The following ANO10 variants were observed in gnomAD, a reference collection of about 807,000 sequenced individuals.
The protein encoded by ANO10 is anoctamin-10.
ANO10 carries 77 observed loss-of-function variants against 74.7 expected under a neutral mutation model. The ratio of observed to expected loss-of-function variants is 1.03; its 90% CI spans 0.86 to 1.25. ANO10 has a LOEUF of 1.25. Ranked by LOEUF, ANO10 falls within the 50% of genes most tolerant of loss-of-function variation. The pLI is 0.00. For missense variants in ANO10, 721 were observed against 778.1 expected, an observed-to-expected ratio of 0.93 and a Z score of 0.87; for synonymous variants, 279 against 284.9, an observed-to-expected ratio of 0.98 and a Z score of 0.21.
intron 11 of ANO10, among the ~76,000 whole-genome samples, chr3:43,476,672 C>T (rs1361076906): frequency 1.3e-5 from 2 of 152,010 alleles, no homozygotes; most frequent in East Asian, 3.9e-4. Flanking sequence ...TCGGTTTTTT[C>T]CCTTACTTCA....
At chr3:43,465,119 T>C (rs994854446) in intron 11 of ANO10, among the ~76,000 whole-genome samples, 6 of 152,196 alleles carry the variant, frequency 3.9e-5, no homozygotes, top group Non-Finnish European at 5.9e-5. Flanking sequence ...TTTTACCCCA[T>C]ATAAATAAAA....
chr3:43,505,156 C>T (rs957339069), intron 11 of ANO10, among the ~76,000 whole-genome samples: 2 of 152,070 alleles, frequency 1.3e-5, no homozygotes, highest in Admixed American at 6.5e-5. Context: ...AAATAAAATG[C>T]CATCGAGTTT....
chr3:43,500,392 G>T (rs139565483), intron 11 of ANO10, among the ~76,000 whole-genome samples: 18 of 152,254 alleles, frequency 1.2e-4, no homozygotes, highest in Non-Finnish European at 2.2e-4. Flanking sequence ...AGGGGTCAAT[G>T]AAAGGTTTAT....
chr3:43,415,309 G>A (rs1019128021), intron 12 of ANO10, among the ~76,000 whole-genome samples: 1 of 151,816 alleles, frequency 6.6e-6, no homozygotes, highest in Non-Finnish European at 1.5e-5. Context: ...AACTGAGGCC[G>A]AGAGGTTTGG....
intron 7 of ANO10, among the ~76,000 whole-genome samples, chr3:43,568,847 G>A (rs1405609751): frequency 6.7e-6 from 1 of 148,928 alleles, no homozygotes; most frequent in Non-Finnish European, 1.5e-5. Context: ...GAGCAGAACT[G>A]AAGGAGATAG....
intron 1 of ANO10, among the ~76,000 whole-genome samples, chr3:43,647,225 A>G (rs1267589222): frequency 1.3e-5 from 2 of 150,540 alleles, no homozygotes; most frequent in Non-Finnish European, 3.0e-5. Flanking sequence ...GATAGATAAG[A>G]GATTTATTAT....
At chr3:43,444,615 C>T (rs2093213935) in intron 11 of ANO10, among the ~76,000 whole-genome samples, 1 of 152,146 alleles carries the variant, frequency 6.6e-6, no homozygotes, top group East Asian at 1.9e-4. Flanking sequence ...GAAATACACA[C>T]TTGTAAACCT....
At chr3:43,625,145 A>C (rs936054509), upstream of ANO10, among the ~76,000 whole-genome samples, 1 of 152,216 alleles carries the variant, frequency 6.6e-6, no homozygotes, top group African/African-American at 2.4e-5. Flanking sequence ...GGCAGCTCCC[A>C]GACAGGGAAT....
chr3:43,548,703 C>T (rs1409075605), intron 11 of ANO10, among the ~76,000 whole-genome samples: 2 of 152,194 alleles, frequency 1.3e-5, no homozygotes, highest in Non-Finnish European at 2.9e-5. Context: ...AGTTCCATAA[C>T]TGTTTTGTTT....
intron 12 of ANO10, among the ~76,000 whole-genome samples, chr3:43,393,132 C>T (rs2092310456): frequency 6.6e-6 from 1 of 152,200 alleles, no homozygotes; most frequent in African/African-American, 2.4e-5. Flanking sequence ...GTCTTTATTC[C>T]AGCCCAGACT....
intron 11 of ANO10, among the ~76,000 whole-genome samples, chr3:43,505,091 T>C (rs1040462088): frequency 1.3e-5 from 2 of 152,210 alleles, no homozygotes; most frequent in Non-Finnish European, 1.5e-5. Context: ...AAAATTTAAG[T>C]AGAATGCATG....
At chr3:43,464,857 A>AAG (rs2075547136) in intron 11 of ANO10, among the ~76,000 whole-genome samples, 1 of 152,224 alleles carries the variant, frequency 6.6e-6, no homozygotes, top group African/African-American at 2.4e-5. Flanking sequence ...AAATTTCCTC[A>AAG]ATCTTAAAAA....
chr3:43,611,648 G>C (rs142738436), intron 1 of ANO10, among the ~76,000 whole-genome samples: 124 of 152,288 alleles, frequency 8.1e-4, no homozygotes, highest in African/African-American at 2.8e-3. Flanking sequence ...AAGGAAATGA[G>C]AGACATGTAC....
intron 8 of ANO10, among the ~76,000 whole-genome samples, chr3:43,565,323 A>G (rs2149358934): frequency 6.6e-6 from 1 of 152,336 alleles, no homozygotes; most frequent in South Asian, 2.1e-4. Context: ...GGTTACACCA[A>G]TCATCCCCAT....
At chr3:43,627,438 G>A (rs532545239) in intron 1 of ANO10, among the ~76,000 whole-genome samples, 3 of 152,332 alleles carry the variant, frequency 2.0e-5, no homozygotes, top group African/African-American at 7.2e-5. Flanking sequence ...GCCTGAATGT[G>A]GACACCTTAA....
intron 1 of ANO10, among the ~76,000 whole-genome samples, chr3:43,635,754 G>C (rs750212604): frequency 5.3e-5 from 8 of 151,900 alleles, no homozygotes; most frequent in Non-Finnish European, 7.4e-5. Flanking sequence ...CAAGTAGCTG[G>C]GACTACAGAC....
chr3:43,370,366 C>T (rs1476100426), intron 12 of ANO10, among the ~76,000 whole-genome samples: 1 of 152,188 alleles, frequency 6.6e-6, no homozygotes, highest in Non-Finnish European at 1.5e-5. Context: ...CCCAGGCTTG[C>T]AAGTCTCTGA....
upstream of ANO10, among the ~76,000 whole-genome samples, chr3:43,624,723 G>C (rs1437721280): frequency 6.6e-6 from 1 of 152,122 alleles, no homozygotes; most frequent in Non-Finnish European, 1.5e-5. Context: ...TATGAGAATG[G>C]ACTAATACAA....
At chr3:43,572,429 C>T (rs1423000785) in intron 7 of ANO10, among the ~76,000 whole-genome samples, 1 of 152,202 alleles carries the variant, frequency 6.6e-6, no homozygotes, top group African/African-American at 2.4e-5. Context: ...AAGGGGGCCC[C>T]TGCCACAAGG....
Sources: allele counts gnomAD v4.1 joint callset (sites outside exome capture counted in the v4.1 genomes callset), GRCh38; gene constraint gnomAD v4.1.1; transcripts MANE v1.5; gene names NCBI Gene and HGNC (gene_info 2026-07-23, HGNC 2026-07-21).